Variants in PDE1C observed in about 807,000 individuals in gnomAD.
PDE1C encodes the protein phosphodiesterase 1C.
PDE1C carries 62 observed loss-of-function variants against 93.1 expected under a neutral mutation model. The observed-to-expected ratio is 0.67, with a 90% CI of 0.54 to 0.82. The LOEUF is 0.82. PDE1C is among the 40% of genes least tolerant of loss of function. The pLI is 0.00. For synonymous variants in PDE1C, 325 were observed against 310.1 expected, an observed-to-expected ratio of 1.05 and a Z score of -0.50; for missense variants, 742 against 884.6, an observed-to-expected ratio of 0.84 and a Z score of 2.04.
intron 3 of PDE1C, among the ~76,000 whole-genome samples, chr7:32,161,580 AC>A (rs1801922823): frequency 1.6e-5 from 1 of 63,922 alleles, no homozygotes; most frequent in Non-Finnish European, 3.5e-5. Flanking sequence ...AAATCTTCAC[AC>A]TTCCTTCAAA....
At chr7:32,394,036 G>A (rs1319057957) in intron 1 of PDE1C, among the ~76,000 whole-genome samples, 1 of 152,148 alleles carries the variant, frequency 6.6e-6, no homozygotes, top group African/African-American at 2.4e-5. Context: ...ACTCAGAAGT[G>A]ATATCATACA....
chr7:31,789,819 A>G (rs1784379270), intron 16 of PDE1C: 1 of 998,358 alleles, frequency 1.0e-6, no homozygotes, highest in Non-Finnish European at 1.2e-6. Flanking sequence ...AAGTAACGGC[A>G]TTGACAGTCA....
the PDE1C span, chr7:31,658,300 T>C: frequency 2.3e-6 from 3 of 1,293,650 alleles, no homozygotes; most frequent in African/African-American, 4.1e-5. Context: ...GCTGGATCCC[T>C]TTTTTTTTTC....
chr7:32,214,404 G>A (rs1433128722), intron 1 of PDE1C, among the ~76,000 whole-genome samples: 5 of 151,934 alleles, frequency 3.3e-5, no homozygotes, highest in Admixed American at 3.3e-4. Flanking sequence ...GACACACATT[G>A]GAATCACCTA....
At chr7:31,647,673 CAAAAAAAAAA>C in the PDE1C span, among the ~76,000 whole-genome samples, 1 of 69,340 alleles carries the variant, frequency 1.4e-5, no homozygotes, top group Non-Finnish European at 2.8e-5. Context: ...GTCTCCGTCT[CAAAAAAAAAA>C]AAAAAAAAAA....
the PDE1C span, among the ~76,000 whole-genome samples, chr7:31,627,177 C>T: frequency 2.0e-5 from 3 of 152,152 alleles, no homozygotes; most frequent in East Asian, 3.9e-4. Flanking sequence ...CAGTATTCCC[C>T]GTTGTCCATG....
chr7:32,331,595 T>C (rs1585112637), intron 1 of PDE1C, among the ~76,000 whole-genome samples: 3 of 151,904 alleles, frequency 2.0e-5, no homozygotes, highest in African/African-American at 4.8e-5. Context: ...TGGAGGCGAG[T>C]TAGGAAGCCA....
At chr7:32,345,256 G>A (rs1159870224) in intron 1 of PDE1C, among the ~76,000 whole-genome samples, 1 of 152,154 alleles carries the variant, frequency 6.6e-6, no homozygotes, top group Admixed American at 6.5e-5. Context: ...TCGCAGACAC[G>A]TGCTGCCTAC....
intron 1 of PDE1C, among the ~76,000 whole-genome samples, chr7:32,381,489 C>T (rs1784533258): frequency 6.6e-6 from 1 of 152,136 alleles, no homozygotes; most frequent in Non-Finnish European, 1.5e-5. Context: ...CTTCTGTGCT[C>T]TAACCCCTCC....
chr7:32,318,541 T>C (rs1389449642), intron 1 of PDE1C, among the ~76,000 whole-genome samples: 1 of 152,096 alleles, frequency 6.6e-6, no homozygotes, highest in African/African-American at 2.4e-5. Flanking sequence ...CAAAAGGGTG[T>C]GGTGGCCAGG....
intron 3 of PDE1C, among the ~76,000 whole-genome samples, chr7:32,106,637 C>A (rs1159284019): frequency 6.6e-6 from 1 of 152,032 alleles, no homozygotes; most frequent in Non-Finnish European, 1.5e-5. Context: ...TCTAGGAAAA[C>A]TCAAAAACAA....
intron 14 of PDE1C, 30 bp from the exon 15 acceptor site, chr7:31,816,184 A>C: frequency 6.3e-7 from 1 of 1,598,974 alleles, no homozygotes; most frequent in Non-Finnish European, 8.5e-7. Context: ...GGAAAGCCAC[A>C]GAAAAGAGAA....
At chr7:31,789,231 A>AG (rs1369274696) in intron 16 of PDE1C, 2 of 152,168 alleles carry the variant, frequency 1.3e-5, no homozygotes, top group Admixed American at 1.3e-4. Context: ...TTTGGTCTCA[A>AG]GGGGGCTGCA....
At chr7:31,701,774 A>C in the PDE1C span, among the ~76,000 whole-genome samples, 39 of 152,376 alleles carry the variant, frequency 2.6e-4, no homozygotes, top group African/African-American at 8.7e-4. Flanking sequence ...TCTAAGACTC[A>C]GTGAAGACTC....
chr7:32,386,918 C>T (rs1784638497), intron 1 of PDE1C, among the ~76,000 whole-genome samples: 1 of 149,904 alleles, frequency 6.7e-6, no homozygotes, highest in Non-Finnish European at 1.5e-5. Context: ...GGGTGTTTCT[C>T]GCAGAGGGGG....
chr7:31,756,222 T>C (rs942607805), intron 17 of PDE1C, among the ~76,000 whole-genome samples: 2 of 152,104 alleles, frequency 1.3e-5, no homozygotes, highest in African/African-American at 4.8e-5. Flanking sequence ...TAGAGAAATC[T>C]AGTAAACACT....
chr7:31,995,337 C>T (rs767324204), intron 2 of PDE1C, among the ~76,000 whole-genome samples: 66 of 152,188 alleles, frequency 4.3e-4, no homozygotes, highest in Non-Finnish European at 6.5e-4. Context: ...GAGTCCATTA[C>T]GCAATTTTTG....
At chr7:32,149,375 G>A (rs1801099510) in intron 3 of PDE1C, among the ~76,000 whole-genome samples, 1 of 152,164 alleles carries the variant, frequency 6.6e-6, no homozygotes, top group Non-Finnish European at 1.5e-5. Context: ...GAAATTATTA[G>A]CCAGAACACC....
chr7:31,941,787 A>C (rs987960586), intron 2 of PDE1C, among the ~76,000 whole-genome samples: 2 of 152,150 alleles, frequency 1.3e-5, no homozygotes, highest in Non-Finnish European at 2.9e-5. Flanking sequence ...TACCTTCTTA[A>C]GACAAAGAGT....
Sources: gnomAD v4.1 joint callset for allele counts (sites outside exome capture counted in the v4.1 genomes callset) on GRCh38, gnomAD v4.1.1 for gene constraint, MANE v1.5 for transcripts, NCBI Gene and HGNC (gene_info 2026-07-23, HGNC 2026-07-21) for gene names.